The following SLC35F3 variants were observed in gnomAD, a reference collection of about 807,000 sequenced individuals.
SLC35F3 encodes putative thiamine transporter SLC35F3.
Under a neutral mutation model 49.9 loss-of-function variants are expected in SLC35F3, and 25 were observed. The ratio of observed to expected loss-of-function variants is 0.50; its 90% CI spans 0.37 to 0.70. SLC35F3 has a LOEUF of 0.70. Among genes scored for constraint, SLC35F3 ranks in the 30% least tolerant of loss-of-function variants. The probability of loss-of-function intolerance (pLI) is 0.00; values close to 1 mark genes in which losing one functional copy is unlikely to be tolerated. For synonymous variants in SLC35F3, 275 were observed against 265.4 expected, an observed-to-expected ratio of 1.04 and a Z score of -0.35; for missense variants, 525 against 639.8, an observed-to-expected ratio of 0.82 and a Z score of 1.94.
chr1:233,981,791 G>T (rs895607017), intron 2 of SLC35F3, among the ~76,000 whole-genome samples: 1 of 152,160 alleles, frequency 6.6e-6, no homozygotes, highest in Non-Finnish European at 1.5e-5. Flanking sequence ...ATAGCAGTGT[G>T]TGAATGATCT....
chr1:234,315,494 G>A (rs556250902), intron 4 of SLC35F3, among the ~76,000 whole-genome samples: 2 of 152,208 alleles, frequency 1.3e-5, no homozygotes, highest in African/African-American at 2.4e-5. Flanking sequence ...TACCAGCTGT[G>A]TGGGTTTGGG....
At chr1:234,187,837 C>T (rs537031232) in intron 2 of SLC35F3, among the ~76,000 whole-genome samples, 11 of 152,164 alleles carry the variant, frequency 7.2e-5, no homozygotes, top group Non-Finnish European at 1.3e-4. Flanking sequence ...GAAAAGACTA[C>T]AGGGAGAAGG....
At chr1:233,996,471 A>C (rs4244365) in intron 2 of SLC35F3, among the ~76,000 whole-genome samples, 41,754 of 151,750 alleles carry the variant, frequency 0.28, 5,985 homozygotes, top group East Asian at 0.49. Flanking sequence ...ACCAGGTGTG[A>C]ATTTGGAAGG....
chr1:234,278,245 C>A (rs750962382), intron 3 of SLC35F3, among the ~76,000 whole-genome samples: 29 of 152,020 alleles, frequency 1.9e-4, no homozygotes, highest in Non-Finnish European at 3.8e-4. Context: ...AATCCCCGCA[C>A]TTTGAGAGGC....
In SLC35F3 at chr1:234,056,242, T is replaced by A. The variant is rs112350827; in HGVS notation, c.283+150484T>A. ...TTTTTCTTTCTTTTTTATAAAATCA[T>A]GCTCTTATTTTAAAGATATAATATT... On this transcript the variant is annotated intron_variant, in intron 2 of 7. Transcript: ENST00000366618. Among the ~76,000 whole-genome samples, 253 of 140,946 alleles carry A rather than the reference T, an allele frequency of 1.8e-3. 1 individual carries two copies. Among genetic ancestry groups the A allele is most frequent in the Middle Eastern group, 7.7e-3 (2 of 260 alleles). The allele number at this position is 140,946 out of a possible 152,430, so 92.5% of individuals were successfully genotyped here.
chr1:234,279,638 A>G (rs1286322733), intron 3 of SLC35F3, among the ~76,000 whole-genome samples: 1 of 152,204 alleles, frequency 6.6e-6, no homozygotes, highest in African/African-American at 2.4e-5. Flanking sequence ...GTGCAGGGCT[A>G]GGAGCCCAGC....
chr1:234,281,013 G>A (rs1668316490), intron 3 of SLC35F3, among the ~76,000 whole-genome samples: 1 of 152,136 alleles, frequency 6.6e-6, no homozygotes, highest in African/African-American at 2.4e-5. Flanking sequence ...CCTAAAGGCG[G>A]GAGTCAGCCA....
At chr1:234,322,224 G>C (rs1657638896) in intron 7 of SLC35F3, among the ~76,000 whole-genome samples, 1 of 149,914 alleles carries the variant, frequency 6.7e-6, no homozygotes, top group African/African-American at 2.5e-5. Context: ...GTTGACCCTT[G>C]AACAATGTAG....
chr1:234,010,571 T>C (rs1428674963), intron 2 of SLC35F3, among the ~76,000 whole-genome samples: 1 of 152,104 alleles, frequency 6.6e-6, no homozygotes, highest in Non-Finnish European at 1.5e-5. Context: ...TAAAAACAAA[T>C]TAAAAAGACT....
intron 2 of SLC35F3, among the ~76,000 whole-genome samples, chr1:234,090,589 G>A (rs1042937775): frequency 3.3e-5 from 5 of 152,170 alleles, no homozygotes; most frequent in African/African-American, 1.2e-4. Context: ...AGGTAATCAG[G>A]GTTTCTGTGC....
intron 2 of SLC35F3, chr1:234,026,814 C>T (rs1348542721): frequency 6.6e-6 from 1 of 152,102 alleles, no homozygotes; most frequent in Non-Finnish European, 1.5e-5. Flanking sequence ...TAAATCTGTA[C>T]CAAAAACTTG....
At chr1:234,071,291 A>G (rs1232290297) in intron 2 of SLC35F3, among the ~76,000 whole-genome samples, 1 of 152,216 alleles carries the variant, frequency 6.6e-6, no homozygotes, top group African/African-American at 2.4e-5. Context: ...GGCACTGTTC[A>G]AAGTCCTTGG....
intron 2 of SLC35F3, among the ~76,000 whole-genome samples, chr1:233,942,405 C>T (rs72753722): frequency 6.6e-6 from 1 of 152,046 alleles, no homozygotes; most frequent in Non-Finnish European, 1.5e-5. Context: ...TGACATATAA[C>T]CTTTATTCAT....
At chr1:234,247,812 T>TTGTTGGG (rs1274982498) in intron 3 of SLC35F3, among the ~76,000 whole-genome samples, 1 of 140,446 alleles carries the variant, frequency 7.1e-6, no homozygotes, top group East Asian at 2.1e-4. Context: ...GGTCCATTGT[T>TTGTTGGG]TCATGGGTCA....
At chr1:233,988,606 T>C (rs1451877186) in intron 2 of SLC35F3, among the ~76,000 whole-genome samples, 2 of 152,194 alleles carry the variant, frequency 1.3e-5, no homozygotes, top group Non-Finnish European at 2.9e-5. Context: ...CTTTCCATCC[T>C]CCACACAGGC....
intron 3 of SLC35F3, among the ~76,000 whole-genome samples, chr1:234,304,630 G>T (rs1292013258): frequency 6.6e-6 from 1 of 152,010 alleles, no homozygotes; most frequent in Non-Finnish European, 1.5e-5. Flanking sequence ...ACATTTTTAT[G>T]AGGACTTATC....
chr1:234,152,227 GTTATTATTA>G (rs61307533), intron 2 of SLC35F3, among the ~76,000 whole-genome samples: 1 of 144,576 alleles, frequency 6.9e-6, no homozygotes, highest in Non-Finnish European at 1.5e-5. Context: ...TATTATTATT[GTTATTATTA>G]TTATTATTAT....
intron 2 of SLC35F3, among the ~76,000 whole-genome samples, chr1:234,223,230 A>G (rs1188303781): frequency 3.3e-5 from 5 of 152,202 alleles, no homozygotes. Flanking sequence ...CTCTAAGGAA[A>G]TGGAAGTGAG....
chr1:233,919,184 A>G (rs1361858420), intron 2 of SLC35F3, among the ~76,000 whole-genome samples: 1 of 152,194 alleles, frequency 6.6e-6, no homozygotes, highest in Non-Finnish European at 1.5e-5. Context: ...CAGTTATTGC[A>G]AAGTAAGTTA....
Sources: gnomAD v4.1 joint callset for allele counts (sites outside exome capture counted in the v4.1 genomes callset) on GRCh38, gnomAD v4.1.1 for gene constraint, MANE v1.5 for transcripts, NCBI Gene and HGNC (gene_info 2026-07-23, HGNC 2026-07-21) for gene names.